The following EDARADD variants were observed in gnomAD, a reference collection of about 807,000 sequenced individuals.
EDARADD encodes EDAR associated via death domain, also known as ectodysplasin-A receptor-associated adapter protein.
Under a neutral mutation model 25.6 loss-of-function variants are expected in EDARADD, and 20 were observed. The observed-to-expected ratio is 0.78, with a 90% confidence interval of 0.55 to 1.14. The LOEUF is 1.14. EDARADD is among the 50% of genes most tolerant of loss of function. EDARADD has a pLI of 0.00. For synonymous variants in EDARADD, 86 were observed against 94.4 expected, an observed-to-expected ratio of 0.91 and a Z score of 0.52; for missense variants, 225 against 270.1, an observed-to-expected ratio of 0.83 and a Z score of 1.17.
Position 236,353,678 on chromosome 1 carries a change from C to CAAA in EDARADD, c.-6+2857_-6+2859dup, listed in dbSNP as rs34798233. 4.6e-3 allele frequency among the ~76,000 whole-genome samples: 360 copies of CAAA among 78,704 alleles called. 7 individuals carry two copies. Among genetic ancestry groups the CAAA allele is most frequent in the African/African-American group, 0.016 (336 of 20,664 alleles). The allele number at this position is 78,704 out of a possible 152,430, so 51.6% of individuals were successfully genotyped here. ...GGGCAACAGAGCGAGACTCCAACTCCAAAAAAAAAAAAAAAAAAAAGATAT... is the reference window on the plus strand; with the variant it reads ...GGGCAACAGAGCGAGACTCCAACTCCAAAAAAAAAAAAAAAAAAAAAAAGATAT... On this transcript the variant is annotated intron_variant, in intron 3 of 7. Coordinates refer to the EDARADD transcript ENST00000439430.
At chr1:236,390,962 T>TTATTATTATTATTA (rs1365266941), upstream of EDARADD, among the ~76,000 whole-genome samples, 19 of 23,454 alleles carry the variant, frequency 8.1e-4, no homozygotes, top group East Asian at 0.011. Context: ...TATTATTATT[T>TTATTATTATTATTA]TTTGAGATGG....
chr1:236,468,956 C>G (rs1418200346), intron 5 of EDARADD, among the ~76,000 whole-genome samples: 1 of 152,178 alleles, frequency 6.6e-6, no homozygotes, highest in African/African-American at 2.4e-5. Context: ...GCTGGGTCAT[C>G]TCTCTGTTTG....
chr1:236,477,040 A>C (rs778254065), intron 5 of EDARADD, among the ~76,000 whole-genome samples: 3 of 148,340 alleles, frequency 2.0e-5, no homozygotes, highest in Admixed American at 6.7e-5. Flanking sequence ...AGAAAATTGA[A>C]AAGTGCCCAT....
chr1:236,445,387 C>T (rs964829255), intron 4 of EDARADD, among the ~76,000 whole-genome samples: 1 of 152,024 alleles, frequency 6.6e-6, no homozygotes, highest in Non-Finnish European at 1.5e-5. Context: ...GCCACCACGC[C>T]CGGCTGATTT....
At chr1:236,385,731 A>T (rs1417577912) in intron 3 of EDARADD, among the ~76,000 whole-genome samples, 1 of 152,152 alleles carries the variant, frequency 6.6e-6, no homozygotes, top group Non-Finnish European at 1.5e-5. Context: ...TCTCAAAAAA[A>T]AAAAGAAAGC....
At chr1:236,473,375 C>T (rs1659406752) in intron 5 of EDARADD, among the ~76,000 whole-genome samples, 1 of 152,064 alleles carries the variant, frequency 6.6e-6, no homozygotes, top group Admixed American at 6.6e-5. Context: ...GGGGCAAAGC[C>T]CCTGAGGCTG....
chr1:236,437,076 A>C (rs1658275033), intron 4 of EDARADD, among the ~76,000 whole-genome samples: 2 of 152,182 alleles, frequency 1.3e-5, no homozygotes, highest in African/African-American at 2.4e-5. Flanking sequence ...TTGGCATTGA[A>C]AATCTCCAAC....
intron 3 of EDARADD, among the ~76,000 whole-genome samples, chr1:236,374,182 G>C (rs1667200025): frequency 1.3e-5 from 2 of 152,110 alleles, no homozygotes; most frequent in African/African-American, 4.8e-5. Flanking sequence ...ATATCAAGTT[G>C]ATTGATGGTG....
In EDARADD at chr1:236,355,892, AG is replaced by A. The variant is rs531203997; in HGVS notation, c.-6+5054del. On this transcript the variant is annotated intron_variant, in intron 3 of 7. Transcript: ENST00000439430. The stretch of plus-strand genomic sequence containing the variant: ...CATGACCGGTTCTAAGGCTCCTGTC[AG>A]TGGATATTTGTCAGGCTAAACTCTT... 9.2e-5 allele frequency among the ~76,000 whole-genome samples: 14 copies of A among 152,182 alleles called. No homozygotes were observed. The South Asian group carries it at 2.9e-3, about 32-fold the overall frequency.
In EDARADD at chr1:236,468,440, A is replaced by G. The variant is rs979574035; in HGVS notation, c.265+164A>G. 2.6e-5 allele frequency among the ~76,000 whole-genome samples: 4 copies of G among 152,196 alleles called. No individual in the cohort carries two copies. In the East Asian group the frequency reaches 7.7e-4, roughly 29 times the overall value. ...GGAGTTCAAGACCAGCCTGGCCAAC[A>G]TGGTAAAACCCCGTCTCTACCAAAA... On this transcript the variant is annotated intron_variant, in intron 5 of 5. Transcript: ENST00000334232.
chr1:236,441,905 G>T (rs1159499515), intron 4 of EDARADD, among the ~76,000 whole-genome samples: 1 of 152,144 alleles, frequency 6.6e-6, no homozygotes, highest in Non-Finnish European at 1.5e-5. Flanking sequence ...GCTAGCATAG[G>T]TTGGTTCATG....
chr1:236,473,291 C>G (rs369189562), intron 5 of EDARADD, among the ~76,000 whole-genome samples: 1 of 151,922 alleles, frequency 6.6e-6, no homozygotes, highest in Non-Finnish European at 1.5e-5. Flanking sequence ...GAAAGGGTAG[C>G]GAGACCCAAA....
chr1:236,363,809 A>T (rs1248284071), intron 3 of EDARADD, among the ~76,000 whole-genome samples: 4 of 152,082 alleles, frequency 2.6e-5, no homozygotes, highest in African/African-American at 9.7e-5. Context: ...AGCAGATGCC[A>T]TCATTGTGTT....
At chr1:236,456,534 G>A (rs931200783) in intron 4 of EDARADD, among the ~76,000 whole-genome samples, 2 of 152,098 alleles carry the variant, frequency 1.3e-5, no homozygotes, top group South Asian at 4.1e-4. Context: ...TCCTCGGCCT[G>A]TGACATCTCA....
chr1:236,368,440 CTTTT>C (rs59201705), intron 3 of EDARADD, among the ~76,000 whole-genome samples: 4 of 124,168 alleles, frequency 3.2e-5, no homozygotes, highest in African/African-American at 1.2e-4. Context: ...CCAGTCTTTT[CTTTT>C]TTTTTTTTTT....
chr1:236,378,275 C>T (rs1041433916), intron 3 of EDARADD, among the ~76,000 whole-genome samples: 1 of 152,220 alleles, frequency 6.6e-6, no homozygotes, highest in Non-Finnish European at 1.5e-5. Context: ...CCCTCTTCTA[C>T]AAACACAAGG....
At position 236,482,345 on chromosome 1, in the gene EDARADD, T is replaced by C. The variant is rs1417408059; in HGVS notation, c.344T>C (p.Leu115Ser). 1.2e-6 allele frequency: 2 copies of C among 1,614,006 alleles called. No individual in the cohort carries two copies. The highest frequency in any genetic ancestry group is 1.7e-6 in the Non-Finnish European group (2 of 1,180,034). ...CTCCGGGCCCCCACCATAAGTGACT[T>C]GCTCAATGATCAGGACTTACTAGAC... ...CLLRAPTISD[L>S]LNDQDLLDVI... is the part of the protein sequence containing the mutation. Residue 115 changes from leucine to serine, a missense_variant, in exon 6 of 6, where the codon TTG becomes TCG. Coordinates refer to ENST00000334232, the MANE Select transcript of EDARADD (RefSeq NM_145861.4).
chr1:236,441,523 T>TCA (rs897585303), intron 4 of EDARADD, among the ~76,000 whole-genome samples: 4 of 146,540 alleles, frequency 2.7e-5, no homozygotes, highest in Admixed American at 7.0e-5. Flanking sequence ...TATTTATATA[T>TCA]TATATATATA....
At chr1:236,428,158 G>C (rs151107107) in intron 4 of EDARADD, among the ~76,000 whole-genome samples, 5,285 of 151,960 alleles carry the variant, frequency 0.035, 283 homozygotes, top group African/African-American at 0.12. Flanking sequence ...CTTGAGATTA[G>C]GGAGTGGTGA....
Sources: gnomAD v4.1 joint callset for allele counts (sites outside exome capture counted in the v4.1 genomes callset) on GRCh38, gnomAD v4.1.1 for gene constraint, MANE v1.5 for transcripts, NCBI Gene and HGNC (gene_info 2026-07-23, HGNC 2026-07-21) for gene names.